Variants in PPP1R2 observed in about 807,000 individuals in gnomAD.
PPP1R2 encodes protein phosphatase 1 regulatory inhibitor subunit 2.
Under a neutral mutation model 29.9 loss-of-function variants are expected in PPP1R2, and 16 were observed. The observed-to-expected ratio is 0.53, with a 90% CI of 0.36 to 0.81. The LOEUF (loss-of-function observed/expected upper bound fraction) is 0.81. Among genes scored for constraint, PPP1R2 ranks in the 30% least tolerant of loss-of-function variants. The probability of loss-of-function intolerance (pLI) is 0.00; values close to 1 mark genes in which losing one functional copy is unlikely to be tolerated. For missense variants in PPP1R2, 197 were observed against 252.7 expected, an observed-to-expected ratio of 0.78 and a Z score of 1.49; for synonymous variants, 76 against 91.5, an observed-to-expected ratio of 0.83 and a Z score of 0.96.
At chr3:195,530,673 G>T (rs916837079) in intron 1 of PPP1R2, among the ~76,000 whole-genome samples, 13 of 151,260 alleles carry the variant, frequency 8.6e-5, no homozygotes, top group African/African-American at 3.2e-4. Context: ...TGACAGGCGC[G>T]CACCACCACG....
intron 4 of PPP1R2, among the ~76,000 whole-genome samples, chr3:195,522,795 AG>A (rs1278792244): frequency 6.6e-6 from 1 of 152,216 alleles, no homozygotes; most frequent in Non-Finnish European, 1.5e-5. Flanking sequence ...TACACGACAA[AG>A]ATCCTTCGTT....
At chr3:195,519,706 T>C (rs149833984) in intron 4 of PPP1R2, 110 of 152,250 alleles carry the variant, frequency 7.2e-4, no homozygotes, top group African/African-American at 2.6e-3. Flanking sequence ...ACTGCCATGA[T>C]TTAAGACATT....
chr3:195,514,995 T>C lies in PPP1R2; in HGVS notation c.*1901A>G, dbSNP rs897895173. On this transcript the variant is annotated 3_prime_UTR_variant, in exon 6 of 6. Coordinates refer to ENST00000618156, the MANE Select transcript of PPP1R2 (RefSeq NM_006241.8). ...AAGTCTTATCCTTTTCTTCACTCTATGACAGCTACTTCTACAAAAAAAAAA... is the reference window on the plus strand; with the variant it reads ...AAGTCTTATCCTTTTCTTCACTCTACGACAGCTACTTCTACAAAAAAAAAA... The C allele has an allele frequency of 9.3e-6, 2 of 213,924 alleles. No homozygotes were observed. Among genetic ancestry groups the C allele is most frequent in the Non-Finnish European group, 1.9e-5 (2 of 106,598 alleles). The allele number at this position is 213,924 out of a possible 1,614,324, so 13.3% of individuals were successfully genotyped here. A position where few individuals can be genotyped will look rare whatever the true frequency, so the allele number is the denominator to read the frequency against.
chr3:195,518,950 A>T (rs1297604241), intron 5 of PPP1R2, 68 bp downstream of exon 5: 8 of 1,561,856 alleles, frequency 5.1e-6, no homozygotes, highest in African/African-American at 1.4e-5. Flanking sequence ...GTTTAAAGCA[A>T]AATAAAGTAC....
intron 1 of PPP1R2, 73 bp downstream of exon 1, chr3:195,542,831 G>T (rs1719646510): frequency 4.1e-6 from 6 of 1,449,048 alleles, no homozygotes; most frequent in Non-Finnish European, 5.5e-6. Context: ...CCGCCCGCCC[G>T]CCCCTGGGGT....
chr3:195,528,768 T>C (rs889146833), intron 2 of PPP1R2: 2 of 143,750 alleles, frequency 1.4e-5, no homozygotes, highest in African/African-American at 5.0e-5. Context: ...TAGGCTGGTT[T>C]TGATCTCCTG....
chr3:195,537,165 T>C (rs1351021256), intron 1 of PPP1R2, among the ~76,000 whole-genome samples: 2 of 150,612 alleles, frequency 1.3e-5, no homozygotes, highest in Non-Finnish European at 2.9e-5. Flanking sequence ...ATACAATACA[T>C]ATGCTGATAT....
intron 2 of PPP1R2, among the ~76,000 whole-genome samples, 171 bp from the exon 3 acceptor site, chr3:195,525,067 A>G (rs573917048): frequency 1.3e-5 from 2 of 152,294 alleles, no homozygotes; most frequent in South Asian, 4.1e-4. Context: ...AAATACTTAA[A>G]AGTACAGCAC....
intron 1 of PPP1R2, among the ~76,000 whole-genome samples, chr3:195,535,395 G>A (rs530433726): frequency 1.3e-5 from 2 of 152,332 alleles, no homozygotes; most frequent in Non-Finnish European, 2.9e-5. Context: ...GTATGCCATT[G>A]TTGTTACAGA....
intron 4 of PPP1R2, among the ~76,000 whole-genome samples, chr3:195,520,236 C>T (rs904501112): frequency 2.6e-5 from 4 of 152,192 alleles, no homozygotes; most frequent in Non-Finnish European, 4.4e-5. Context: ...TCTCCAACTC[C>T]TGACCTCAGG....
At position 195,543,285 on chromosome 3, in the gene PPP1R2, C is replaced by T. The variant is rs984393422; in HGVS notation, c.-260G>A. 2 of 350,000 alleles carry T rather than the reference C, an allele frequency of 5.7e-6. No homozygotes were observed. Among genetic ancestry groups the T allele is most frequent in the Non-Finnish European group, 1.0e-5 (2 of 193,550 alleles). 21.7% of individuals were successfully genotyped at this position (350,000 alleles called of 1,614,324 possible). On this transcript the variant is annotated 5_prime_UTR_variant, in exon 1 of 6. Coordinates refer to ENST00000618156, the MANE Select transcript of PPP1R2 (RefSeq NM_006241.8). ...TGACCCGCGGCTCGCGGAGAGACGC[C>T]GGCCTAGAGCTCCAGCGCAGGAGCG...
intron 1 of PPP1R2, among the ~76,000 whole-genome samples, chr3:195,531,472 C>G (rs1719176308): frequency 6.6e-6 from 1 of 152,180 alleles, no homozygotes; most frequent in South Asian, 2.1e-4. Flanking sequence ...AACATATTCC[C>G]TTTTCCATAC....
intron 4 of PPP1R2, 63 bp from the exon 5 acceptor site, chr3:195,519,248 A>G (rs1418251718): frequency 1.6e-6 from 2 of 1,227,676 alleles, no homozygotes; most frequent in African/African-American, 1.5e-5. Flanking sequence ...TGCCTGTTTT[A>G]TAAATAAAAT....
chr3:195,516,848 CA>C lies in PPP1R2; in HGVS notation c.*47del. 6.5e-7 allele frequency: 1 copy of C among 1,538,772 alleles called. No individual in the cohort carries two copies. The highest frequency in any genetic ancestry group is 1.4e-5 in the African/African-American group (1 of 73,322). ...AGAACAAGAAGCAACGTACTATAGTCACAGGGTTTACATCTAACAAACAATT... is the reference window on the plus strand; with the variant it reads ...AGAACAAGAAGCAACGTACTATAGTCCAGGGTTTACATCTAACAAACAATT... On this transcript the variant is annotated 3_prime_UTR_variant, in exon 6 of 6. Coordinates refer to ENST00000618156, the MANE Select transcript of PPP1R2 (RefSeq NM_006241.8).
At chr3:195,525,810 C>T (rs997910519) in intron 2 of PPP1R2, among the ~76,000 whole-genome samples, 1 of 152,152 alleles carries the variant, frequency 6.6e-6, no homozygotes, top group Non-Finnish European at 1.5e-5. Flanking sequence ...CCAGTTTATA[C>T]ATTTCCTGGT....
intron 4 of PPP1R2, among the ~76,000 whole-genome samples, chr3:195,521,130 A>G (rs1392517985): frequency 6.7e-6 from 1 of 148,330 alleles, no homozygotes; most frequent in African/African-American, 2.5e-5. Flanking sequence ...CCTGGCTAAC[A>G]TGGTGAAACC....
In PPP1R2 at chr3:195,515,475, T is replaced by C. The variant is rs1577558296; in HGVS notation, c.*1421A>G. On this transcript the variant is annotated 3_prime_UTR_variant, in exon 6 of 6. Transcript: ENST00000618156. ...CTGTTCATATAACAGATTATTTTGG[T>C]ACTAACAAAAGTTGTACACAATTCA... 1 of 152,584 alleles carries C rather than the reference T, an allele frequency of 6.6e-6. No homozygotes were observed. The highest frequency in any genetic ancestry group is 1.9e-4 in the East Asian group (1 of 5,202). The allele number at this position is 152,584 out of a possible 1,614,324, so 9.5% of individuals were successfully genotyped here. A position where few individuals can be genotyped will look rare whatever the true frequency, so the allele number is the denominator to read the frequency against.
rs1390137446 is a variant in PPP1R2 at position 195,514,766 on chromosome 3, T to C, written c.*2130A>G. 6 of 155,148 alleles carry C rather than the reference T, an allele frequency of 3.9e-5. No individual in the cohort carries two copies. In the South Asian group the frequency reaches 9.8e-4, roughly 25 times the overall value. 9.6% of individuals were successfully genotyped at this position (155,148 alleles called of 1,614,324 possible). On this transcript the variant is annotated 3_prime_UTR_variant, in exon 6 of 6. Transcript: ENST00000618156. ...TCATAATGGTTCATATTTTGACTAG[T>C]TCATACCCTATCAATTACCTACTTA...
In PPP1R2 at chr3:195,514,808, T is replaced by G. The variant is rs1718484220; in HGVS notation, c.*2088A>C. The stretch of plus-strand genomic sequence containing the variant: ...ACCTACTTATGACTTGAACATACCT[T>G]TTCTCAGCTGCATGTGACAGCCTAA... On this transcript the variant is annotated 3_prime_UTR_variant, in exon 6 of 6. Transcript: ENST00000618156. The G allele has an allele frequency of 6.3e-6, 1 of 157,782 alleles. No individual in the cohort carries two copies. Among genetic ancestry groups the G allele is most frequent in the African/African-American group, 2.4e-5 (1 of 41,628 alleles). 9.8% of individuals were successfully genotyped at this position (157,782 alleles called of 1,614,324 possible).
Sources: gnomAD v4.1 joint callset for allele counts (sites outside exome capture counted in the v4.1 genomes callset) on GRCh38, gnomAD v4.1.1 for gene constraint, MANE v1.5 for transcripts, NCBI Gene and HGNC (gene_info 2026-07-23, HGNC 2026-07-21) for gene names.